MAP3K15: variants seen among roughly 807,000 people sequenced by gnomAD.
The protein encoded by MAP3K15 is MAPK/ERK kinase kinase 15.
In MAP3K15, 124 loss-of-function variants were observed where a neutral mutation model predicts 99.5. The ratio of observed to expected loss-of-function variants is 1.25; its 90% confidence interval spans 1.08 to 1.45. The LOEUF (loss-of-function observed/expected upper bound fraction) is 1.45. MAP3K15 is among the 40% of genes most tolerant of loss of function. The probability of loss-of-function intolerance (pLI) is 0.00; values close to 1 mark genes in which losing one functional copy is unlikely to be tolerated. For missense variants in MAP3K15, 1,242 were observed against 1,079.7 expected (o/e 1.15, Z -2.11); for synonymous variants, 494 against 439.6 (o/e 1.12, Z -1.55).
At chrX:19,385,631 T>C (rs1464488776) in intron 18 of MAP3K15, among the ~76,000 whole-genome samples, 1 of 111,458 alleles carries the variant, frequency 9.0e-6, no homozygotes, top group Middle Eastern at 4.2e-3. Flanking sequence ...CAAACGACTC[T>C]GGAAGGTTAG....
chrX:19,410,801 G>A (rs1352439273), intron 11 of MAP3K15, among the ~76,000 whole-genome samples: 1 of 111,768 alleles, frequency 8.9e-6, no homozygotes, highest in East Asian at 2.8e-4. Context: ...CTAAGCCTGA[G>A]AAGGAACATC....
Position 19,386,698 on chromosome X carries a change from T to C in MAP3K15, c.2431+5304A>G, listed in dbSNP as rs776125488. ...TGGGGACTCCTGGAGAATTGTCCAA[T>C]AGGATTTTCAGATTACCAGCAAAGA... On this transcript the variant is annotated intron_variant, in intron 18 of 28. Transcript: ENST00000338883. Among the ~76,000 whole-genome samples, 3 of 110,977 alleles carry C rather than the reference T, an allele frequency of 2.7e-5. No individual in the cohort carries two copies. The South Asian group carries it at 1.2e-3, about 43-fold the overall frequency.
chrX:19,412,895 C>A (rs975749783), intron 11 of MAP3K15, among the ~76,000 whole-genome samples: 6 of 108,829 alleles, frequency 5.5e-5, no homozygotes. Context: ...CCACCACACC[C>A]GGCTAATTTT....
chrX:19,412,838 G>A (rs1195265585), intron 11 of MAP3K15, among the ~76,000 whole-genome samples: 2 of 110,526 alleles, frequency 1.8e-5, no homozygotes, highest in East Asian at 5.7e-4. Flanking sequence ...AGGTTCAAGC[G>A]ATCCTCCCAC....
At chrX:19,482,818 C>G (rs1234727507) in intron 3 of MAP3K15, among the ~76,000 whole-genome samples, 1 of 111,814 alleles carries the variant, frequency 8.9e-6, no homozygotes, top group Non-Finnish European at 1.9e-5. Context: ...ATATGAGCAT[C>G]ATCTGAAAAA....
intron 4 of MAP3K15, among the ~76,000 whole-genome samples, chrX:19,461,946 G>A (rs2064135196): frequency 9.1e-6 from 1 of 109,908 alleles, no homozygotes; most frequent in South Asian, 4.0e-4. Flanking sequence ...AACTGAGATC[G>A]CACGACTGCA....
chrX:19,412,054 G>C (rs952128972), intron 11 of MAP3K15, among the ~76,000 whole-genome samples: 1 of 111,839 alleles, frequency 8.9e-6, no homozygotes, highest in Non-Finnish European at 1.9e-5. Context: ...GTGGCAGACA[G>C]CAGGAGTCGG....
chrX:19,411,461 A>G (rs1294183359), intron 11 of MAP3K15, among the ~76,000 whole-genome samples: 3 of 112,858 alleles, frequency 2.7e-5, no homozygotes, highest in African/African-American at 9.6e-5. Context: ...AAGACACAGC[A>G]GAGAACCACA....
rs764385271 is a variant in MAP3K15, at chrX:19,476,329, G to A, written c.525+10153C>T. ...TTGGAGCTTATATCTTTTAACACAAGTGGGTCACAAATACTTAGTGAAAAC... is the reference window on the plus strand; with the variant it reads ...TTGGAGCTTATATCTTTTAACACAAATGGGTCACAAATACTTAGTGAAAAC... On this transcript the variant is annotated intron_variant, in intron 3 of 28. Transcript: ENST00000338883. 1.1e-4 allele frequency among the ~76,000 whole-genome samples: 12 copies of A among 112,111 alleles called. No homozygotes were observed. The South Asian group carries it at 4.5e-3, about 42-fold the overall frequency.
intron 11 of MAP3K15, among the ~76,000 whole-genome samples, chrX:19,412,967 T>C (rs2063700464): frequency 9.1e-6 from 1 of 110,132 alleles, no homozygotes; most frequent in East Asian, 2.8e-4. Flanking sequence ...CTTGAACTCC[T>C]GGGCTCAAGC....
chrX:19,415,526 G>T (rs1244297961), intron 9 of MAP3K15, among the ~76,000 whole-genome samples: 1 of 111,765 alleles, frequency 8.9e-6, no homozygotes, highest in Non-Finnish European at 1.9e-5. Context: ...CTAAAATGTG[G>T]AGATTGGAAA....
chrX:19,367,729 T>TA (rs2063345160), intron 25 of MAP3K15, among the ~76,000 whole-genome samples: 1 of 47,243 alleles, frequency 2.1e-5, no homozygotes, highest in Admixed American at 3.0e-4. Context: ...ATGGATTTTT[T>TA]TTTTTTTTTT....
intron 7 of MAP3K15, among the ~76,000 whole-genome samples, chrX:19,429,035 A>G (rs999089876): frequency 9.0e-6 from 1 of 111,242 alleles, no homozygotes; most frequent in Non-Finnish European, 1.9e-5. Flanking sequence ...CCCTCAGCAT[A>G]GAAAACAGGA....
intron 9 of MAP3K15, among the ~76,000 whole-genome samples, chrX:19,416,975 G>C (rs1321932911): frequency 6.2e-5 from 7 of 112,232 alleles, no homozygotes; most frequent in Non-Finnish European, 1.3e-4. Context: ...TACATGAAGT[G>C]CTAAGAACCA....
Position 19,360,753 on chromosome X carries a change from G to C in MAP3K15, c.3938C>G (p.Ala1313Gly). The change falls in exon 29 of 29, where the codon GCT (alanine) becomes GGT (glycine). Residue 1313 changes from alanine (A) to glycine (G), a missense_variant. Transcript: ENST00000338883. ...CCACAGCTTAGCTGATTGGTATCAA[G>C]CCTTGTCTTTGGTTTCTGAGGCCTC... ...AQEASETKDK[A>G] 1.7e-6 allele frequency: 2 copies of C among 1,205,314 alleles called. No homozygotes were observed. The highest frequency in any genetic ancestry group is 2.2e-6 in the Non-Finnish European group (2 of 890,800).
At chrX:19,458,787 T>C (rs1031650478) in intron 5 of MAP3K15, among the ~76,000 whole-genome samples, 12 of 112,248 alleles carry the variant, frequency 1.1e-4, no homozygotes, top group Non-Finnish European at 2.3e-4. Context: ...TCTGTTTTGG[T>C]CCAGGTCATA....
chrX:19,410,596 C>A (rs1024389661), intron 11 of MAP3K15, among the ~76,000 whole-genome samples: 2 of 111,798 alleles, frequency 1.8e-5, no homozygotes, highest in African/African-American at 3.3e-5. Flanking sequence ...CCCTCTGCAA[C>A]CTGGATATGA....
At chrX:19,442,869 C>T (rs1051475918) in intron 6 of MAP3K15, among the ~76,000 whole-genome samples, 24 of 103,280 alleles carry the variant, frequency 2.3e-4, no homozygotes, top group Middle Eastern at 0.01. Flanking sequence ...ATTACAGGTG[C>T]GCACCACCAC....
At chrX:19,380,047 G>A in intron 19 of MAP3K15, 73 bp downstream of exon 19, 1 of 1,042,630 alleles carries the variant, frequency 9.6e-7, no homozygotes, top group African/African-American at 1.9e-5. Context: ...GAGGTTTTCT[G>A]GATTGGGAGG....
Sources: allele counts gnomAD v4.1 joint callset (sites outside exome capture counted in the v4.1 genomes callset), GRCh38; gene constraint gnomAD v4.1.1; transcripts MANE v1.5; gene names NCBI Gene and HGNC (gene_info 2026-07-23, HGNC 2026-07-21).